Variants in CTNNA3 observed in about 807,000 individuals in gnomAD.
The protein encoded by CTNNA3 is catenin alpha-3.
Under a neutral mutation model 95.7 loss-of-function variants are expected in CTNNA3, and 76 were observed. That is an observed-to-expected ratio of 0.79 (90% CI 0.66 to 0.96). The LOEUF (loss-of-function observed/expected upper bound fraction) is 0.96, where lower values mean the gene tolerates loss of function less well. Among genes scored for constraint, CTNNA3 ranks in the 40% least tolerant of loss-of-function variants. The probability of loss-of-function intolerance (pLI) is 0.00; values close to 1 mark genes in which losing one functional copy is unlikely to be tolerated. For missense variants in CTNNA3, 1,191 were observed against 1,089.8 expected (o/e 1.09, Z -1.31); for synonymous variants, 431 against 374.4 (o/e 1.15, Z -1.74).
chr10:67,073,126 C>G (rs1856556454), intron 7 of CTNNA3, among the ~76,000 whole-genome samples: 1 of 152,154 alleles, frequency 6.6e-6, no homozygotes, highest in Non-Finnish European at 1.5e-5. Flanking sequence ...GAATAATTTT[C>G]CCTTCTGAAA....
chr10:67,335,685 T>G (rs10823031), intron 5 of CTNNA3, among the ~76,000 whole-genome samples: 7,926 of 152,288 alleles, frequency 0.052, 249 homozygotes, highest in South Asian at 0.096. Flanking sequence ...AAGTTTGATA[T>G]TTCTATGACA....
At position 66,873,379 on chromosome 10, in the gene CTNNA3, T is replaced by A. The variant is rs536459732; in HGVS notation, c.1048-97855A>T. The stretch of plus-strand genomic sequence containing the variant: ...GGTTTTTTTGTTTGTTTGTTTTTTG[T>A]TTTTTTTTTACTTTTTAATAATAGC... On this transcript the variant is annotated intron_variant, in intron 7 of 17. Transcript: ENST00000433211. Among the ~76,000 whole-genome samples, 3 of 36,814 alleles carry A rather than the reference T, an allele frequency of 8.1e-5. No individual in the cohort carries two copies. The East Asian group carries it at 8.5e-4, about 10-fold the overall frequency. The allele number at this position is 36,814 out of a possible 152,430, so 24.2% of individuals were successfully genotyped here. A position where few individuals can be genotyped will look rare whatever the true frequency, so the allele number is the denominator to read the frequency against.
At chr10:66,185,709 A>G (rs2086299063) in intron 13 of CTNNA3, among the ~76,000 whole-genome samples, 1 of 152,004 alleles carries the variant, frequency 6.6e-6, no homozygotes, top group Admixed American at 6.5e-5. Context: ...GAGTGTCTCA[A>G]TGTATTATTT....
intron 7 of CTNNA3, among the ~76,000 whole-genome samples, chr10:66,816,324 G>A (rs899837111): frequency 7.2e-5 from 11 of 152,112 alleles, no homozygotes; most frequent in Non-Finnish European, 1.3e-4. Flanking sequence ...ATTGGTAGAC[G>A]TATATTCTGC....
chr10:67,384,176 T>C (rs1467731130), intron 5 of CTNNA3, among the ~76,000 whole-genome samples: 2 of 152,094 alleles, frequency 1.3e-5, no homozygotes, highest in African/African-American at 4.8e-5. Flanking sequence ...AATTTAAAGT[T>C]GGTTAAAAAA....
At chr10:67,498,930 T>C (rs964320894) in intron 5 of CTNNA3, among the ~76,000 whole-genome samples, 1 of 152,240 alleles carries the variant, frequency 6.6e-6, no homozygotes, top group Non-Finnish European at 1.5e-5. Flanking sequence ...CTTTATTTCT[T>C]TCTCTTGCCT....
intron 5 of CTNNA3, among the ~76,000 whole-genome samples, chr10:67,494,827 GTCAAACT>G (rs1838974855): frequency 6.6e-6 from 1 of 152,174 alleles, no homozygotes; most frequent in Non-Finnish European, 1.5e-5. Context: ...CCCACCTGTT[GTCAAACT>G]TCAAAGATGG....
intron 5 of CTNNA3, among the ~76,000 whole-genome samples, chr10:67,308,752 A>C (rs1384592481): frequency 6.6e-6 from 1 of 152,186 alleles, no homozygotes; most frequent in African/African-American, 2.4e-5. Context: ...AGACCCAGTT[A>C]ATCAATCCCT....
At chr10:67,206,183 T>G (rs1167000846) in intron 6 of CTNNA3, among the ~76,000 whole-genome samples, 1 of 152,216 alleles carries the variant, frequency 6.6e-6, no homozygotes, top group African/African-American at 2.4e-5. Context: ...GGATGAACTA[T>G]GTATGTAAAT....
intron 13 of CTNNA3, among the ~76,000 whole-genome samples, chr10:66,263,492 G>A (rs1458903630): frequency 6.6e-6 from 1 of 151,822 alleles, no homozygotes; most frequent in African/African-American, 2.4e-5. Context: ...ACAGAATATG[G>A]GTTCAGTCAT....
intron 5 of CTNNA3, among the ~76,000 whole-genome samples, chr10:67,231,434 G>T (rs549654337): frequency 2.0e-5 from 3 of 152,150 alleles, no homozygotes; most frequent in Non-Finnish European, 4.4e-5. Flanking sequence ...TCACAGGGCC[G>T]GGTACTCCAA....
chr10:67,471,951 T>C (rs1233382773), intron 5 of CTNNA3, among the ~76,000 whole-genome samples: 2 of 152,230 alleles, frequency 1.3e-5, no homozygotes, highest in Non-Finnish European at 2.9e-5. Flanking sequence ...TTTAGTCTCC[T>C]ACAAACTCTT....
chr10:66,364,096 A>G (rs2092695091), intron 12 of CTNNA3, among the ~76,000 whole-genome samples: 1 of 151,850 alleles, frequency 6.6e-6, no homozygotes, highest in Non-Finnish European at 1.5e-5. Flanking sequence ...ACTAAACCAC[A>G]ATAAACTAAA....
intron 13 of CTNNA3, among the ~76,000 whole-genome samples, chr10:66,262,139 A>G (rs1208284012): frequency 6.6e-6 from 1 of 151,988 alleles, no homozygotes; most frequent in Non-Finnish European, 1.5e-5. Flanking sequence ...CTGAATTCTA[A>G]TCCTAGCTTT....
chr10:66,612,798 C>T (rs1406157642), intron 10 of CTNNA3, among the ~76,000 whole-genome samples: 1 of 151,950 alleles, frequency 6.6e-6, no homozygotes. Context: ...TTCGTATTTT[C>T]CCAAATGTGC....
Position 66,280,497 on chromosome 10 carries a change from A to C in CTNNA3, c.1857T>G (p.Asp619Glu), listed in dbSNP as rs780217926. 2 of 1,607,502 alleles carry C rather than the reference A, an allele frequency of 1.2e-6. No individual in the cohort carries two copies. The highest frequency in any genetic ancestry group is 3.4e-5 in the Admixed American group (2 of 58,992). Reference sequence around the variant, plus strand: ...GAATCATCATGACTGAACATCTGATATCATGAATTGTATCATAGATCTTCT... The same window carrying C: ...GAATCATCATGACTGAACATCTGATCTCATGAATTGTATCATAGATCTTCT... The part of the protein sequence containing the change: ...ISKKIYDTIH[D>E]IRCSVMMIRT... Residue 619 changes from aspartate to glutamate, a missense_variant, in exon 13 of 18, where the codon GAT becomes GAG. Asp to Glu is a conservative substitution (Grantham distance 45). Transcript: ENST00000433211.
intron 5 of CTNNA3, among the ~76,000 whole-genome samples, chr10:67,442,683 T>C (rs1589294111): frequency 1.3e-5 from 2 of 152,160 alleles, no homozygotes; most frequent in South Asian, 2.1e-4. Context: ...ATAAAAATTG[T>C]AAATATATAT....
At chr10:67,127,112 C>T (rs897564678) in intron 7 of CTNNA3, among the ~76,000 whole-genome samples, 11 of 152,082 alleles carry the variant, frequency 7.2e-5, no homozygotes, top group African/African-American at 9.7e-5. Context: ...ATTATTTTCC[C>T]GCTTTATTTT....
At chr10:67,167,920 G>A (rs920723735) in intron 7 of CTNNA3, among the ~76,000 whole-genome samples, 1 of 152,164 alleles carries the variant, frequency 6.6e-6, no homozygotes, top group Non-Finnish European at 1.5e-5. Context: ...ATCACCTGAG[G>A]TCAGGAGTTC....
Sources: gnomAD v4.1 joint callset for allele counts (sites outside exome capture counted in the v4.1 genomes callset) on GRCh38, gnomAD v4.1.1 for gene constraint, MANE v1.5 for transcripts, NCBI Gene and HGNC (gene_info 2026-07-23, HGNC 2026-07-21) for gene names.